The following ZNF827 variants were observed in gnomAD, a reference collection of about 807,000 sequenced individuals.
ZNF827 encodes zinc finger protein 827.
In ZNF827, 13 loss-of-function variants were observed where a neutral mutation model predicts 102.4. That is an observed-to-expected ratio of 0.13 (90% confidence interval 0.08 to 0.20). The LOEUF (loss-of-function observed/expected upper bound fraction) is 0.20, where lower values mean the gene tolerates loss of function less well. Among genes scored for constraint, ZNF827 ranks in the 10% least tolerant of loss-of-function variants. The pLI, the probability that ZNF827 is intolerant of heterozygous loss-of-function variation, is 1.00. For synonymous variants in ZNF827, 523 were observed against 536.2 expected, an observed-to-expected ratio of 0.98 and a Z score of 0.34; for missense variants, 1,103 against 1,344.4, an observed-to-expected ratio of 0.82 and a Z score of 2.81.
At chr4:145,897,510 A>T (rs1187152227) in intron 2 of ZNF827, among the ~76,000 whole-genome samples, 2 of 152,326 alleles carry the variant, frequency 1.3e-5, no homozygotes, top group South Asian at 4.1e-4. Flanking sequence ...CATTACCGGT[A>T]CACATCTGTG....
At chr4:145,814,528 T>C (rs888807561) in intron 8 of ZNF827, among the ~76,000 whole-genome samples, 1 of 152,088 alleles carries the variant, frequency 6.6e-6, no homozygotes, top group African/African-American at 2.4e-5. Context: ...GTTGGCCACA[T>C]TGGTAACCTG....
chr4:145,779,648 T>C, intron 8 of ZNF827, 137 bp from the exon 9 acceptor site: 1 of 1,226,664 alleles, frequency 8.2e-7, no homozygotes, highest in South Asian at 1.6e-5. Context: ...CCGTAACTGG[T>C]TTTCCTGCTC....
chr4:145,782,335 G>A (rs1353113820), intron 8 of ZNF827, among the ~76,000 whole-genome samples: 2 of 152,174 alleles, frequency 1.3e-5, no homozygotes. Context: ...TGAAGCAAAG[G>A]CCCGTTCTTT....
At chr4:145,842,373 A>C (rs1210477582) in intron 7 of ZNF827, among the ~76,000 whole-genome samples, 1 of 152,218 alleles carries the variant, frequency 6.6e-6, no homozygotes, top group Non-Finnish European at 1.5e-5. Flanking sequence ...GAGAGTTAAC[A>C]GCACACATCC....
intron 7 of ZNF827, among the ~76,000 whole-genome samples, chr4:145,823,851 C>T (rs2126496191): frequency 6.6e-6 from 1 of 152,232 alleles, no homozygotes; most frequent in Non-Finnish European, 1.5e-5. Flanking sequence ...TGTGTTGTGC[C>T]CTGCCTGGGT....
chr4:145,928,514 C>A (rs1358698417), intron 1 of ZNF827, among the ~76,000 whole-genome samples: 1 of 152,204 alleles, frequency 6.6e-6, no homozygotes, highest in Non-Finnish European at 1.5e-5. Flanking sequence ...ATATGGCCAG[C>A]ATTTACTGTG....
chr4:145,886,046 C>T lies in ZNF827; in HGVS notation c.1379G>A (p.Arg460Lys), dbSNP rs764236031. 2 of 1,614,198 alleles carry T rather than the reference C, an allele frequency of 1.2e-6. No individual in the cohort carries two copies. Among genetic ancestry groups the T allele is most frequent in the Non-Finnish European group, 8.5e-7 (1 of 1,180,034 alleles). Residue 460 changes from arginine (R) to lysine (K), a missense_variant, in exon 4 of 15, where the codon AGG becomes AAG. Physicochemically the swap from Arg to Lys is conservative, Grantham distance 26. Around this residue, in one of 5 missense-constraint regions of ZNF827, gnomAD observed 157 missense variants for 211.7 expected, o/e 0.74. Transcript: ENST00000508784. ...CTCCTCCTTCACCTTGGCTTCTGTC[C>T]TCAGGAAGTGCTGATGGCAACGCAT... The part of the protein sequence containing the change: ...LHMRCHQHFL[R>K]TEAKVKEEIP...
intron 1 of ZNF827, among the ~76,000 whole-genome samples, chr4:145,926,038 C>T (rs1454249901): frequency 1.3e-5 from 2 of 152,188 alleles, no homozygotes; most frequent in Non-Finnish European, 1.5e-5. Flanking sequence ...ACTTTTCAAG[C>T]TGAATTTTAA....
rs773501716 is a variant in ZNF827 at position 145,902,737 on chromosome 4, G to C, written c.522C>G (p.Ala174=). The change falls in exon 2 of 15, where the codon GCC becomes GCG. Residue 174 remains alanine, a synonymous_variant. Transcript: ENST00000508784. The surrounding 1 kb of genome is among the most constrained non-coding windows in gnomAD (Gnocchi z 4.3). ...ATTGGTCATTCTGTTCCTGCTTCTC[G>C]GCCAACTTCCTGGCCAGAACACTGA... ...QQLSVLARKL[A]EKQEQNDQYT... The C allele has an allele frequency of 2.5e-6, 4 of 1,613,998 alleles. No homozygotes were observed. Among genetic ancestry groups the C allele is most frequent in the Non-Finnish European group, 3.4e-6 (4 of 1,180,012 alleles).
chr4:145,917,600 A>C (rs1006752796), intron 1 of ZNF827, among the ~76,000 whole-genome samples: 2 of 151,628 alleles, frequency 1.3e-5, no homozygotes, highest in African/African-American at 4.9e-5. Flanking sequence ...GAACACACTC[A>C]AATCATAGCA....
Position 145,834,343 on chromosome 4 carries a change from T to C in ZNF827, c.2280-10818A>G, listed in dbSNP as rs545124812. On this transcript the variant is annotated intron_variant, in intron 7 of 14. Transcript: ENST00000508784. ...TTCCCTCCCGCCTGTCCCCTCAGTA[T>C]TAACCCCAAGCGTCGCTGAGTCTTT... Among the ~76,000 whole-genome samples the C allele has an allele frequency of 4.3e-4, 66 of 152,230 alleles. 1 individual carries two copies. The East Asian group carries it at 0.012, about 28-fold the overall frequency.
At chr4:145,775,046 C>T (rs1232377910) in intron 10 of ZNF827, among the ~76,000 whole-genome samples, 1 of 152,166 alleles carries the variant, frequency 6.6e-6, no homozygotes, top group African/African-American at 2.4e-5. Context: ...CACTGATAAA[C>T]TCGGAGAGCA....
chr4:145,824,092 C>A (rs1743429432), intron 7 of ZNF827, among the ~76,000 whole-genome samples: 1 of 152,102 alleles, frequency 6.6e-6, no homozygotes, highest in Non-Finnish European at 1.5e-5. Flanking sequence ...AACGGGGCTG[C>A]CAGAAGGGAC....
rs754267018 is a variant in ZNF827, at chr4:145,812,432, C to T, written c.2383+10990G>A. Among the ~76,000 whole-genome samples the T allele has an allele frequency of 3.6e-4, 54 of 152,102 alleles. 1 individual carries two copies. Among genetic ancestry groups the T allele is most frequent in the Admixed American group, 1.9e-3 (29 of 15,272 alleles). On this transcript the variant is annotated intron_variant, in intron 8 of 14. Transcript: ENST00000508784. Reference sequence around the variant, plus strand: ...TTTCTTTAGTGGTTGGCAATCAGCTCGGCATCTAAGGTGAAAAAACGAATA... The same window carrying T: ...TTTCTTTAGTGGTTGGCAATCAGCTTGGCATCTAAGGTGAAAAAACGAATA...
At chr4:145,850,625 T>C (rs1377209819) in intron 5 of ZNF827, among the ~76,000 whole-genome samples, 1 of 152,192 alleles carries the variant, frequency 6.6e-6, no homozygotes, top group African/African-American at 2.4e-5. Flanking sequence ...GAGTTAATGA[T>C]AAAACATCTT....
At chr4:145,803,918 C>T (rs1301157058) in intron 8 of ZNF827, among the ~76,000 whole-genome samples, 2 of 130,796 alleles carry the variant, frequency 1.5e-5, no homozygotes, top group Non-Finnish European at 3.7e-5. Context: ...TTTACCCTAA[C>T]TTCATATTTT....
intron 1 of ZNF827, among the ~76,000 whole-genome samples, chr4:145,906,223 C>A (rs753127002): frequency 2.0e-5 from 3 of 152,352 alleles, no homozygotes; most frequent in African/African-American, 7.2e-5. Context: ...AACCGCTGAA[C>A]GACGACTTCT....
intron 1 of ZNF827, among the ~76,000 whole-genome samples, chr4:145,932,052 T>A (rs1271950461): frequency 1.3e-5 from 2 of 152,184 alleles, no homozygotes; most frequent in Non-Finnish European, 2.9e-5. Flanking sequence ...GGAGCTTGTG[T>A]GCCCCTTCCA....
chr4:145,818,222 A>C (rs918167879), intron 8 of ZNF827, among the ~76,000 whole-genome samples: 1 of 152,240 alleles, frequency 6.6e-6, no homozygotes, highest in Non-Finnish European at 1.5e-5. Context: ...GTCTGGTGAC[A>C]TATTATCTGA....
Sources: gnomAD v4.1 joint callset for allele counts (sites outside exome capture counted in the v4.1 genomes callset) on GRCh38, gnomAD v4.1.1 for gene constraint, gnomAD v4.1.1 regional missense constraint, Gnocchi (gnomAD v3.1) non-coding constraint, MANE v1.5 for transcripts, NCBI Gene and HGNC (gene_info 2026-07-23, HGNC 2026-07-21) for gene names.